Variants in PTPRD observed in about 807,000 individuals in gnomAD.
PTPRD encodes the protein protein tyrosine phosphatase receptor type D.
PTPRD carries 34 observed loss-of-function variants against 214.5 expected under a neutral mutation model. That is an observed-to-expected ratio of 0.16 (90% CI 0.12 to 0.21). PTPRD has a LOEUF of 0.21. PTPRD is among the 10% of genes least tolerant of loss of function. The pLI is 1.00. For synonymous variants in PTPRD, 1,128 were observed against 845.7 expected (o/e 1.33, Z -5.79); for missense variants, 2,545 against 2,398.7 (o/e 1.06, Z -1.27).
chr9:8,586,546 G>C (rs1179282454), intron 14 of PTPRD, among the ~76,000 whole-genome samples: 1 of 152,056 alleles, frequency 6.6e-6, no homozygotes, highest in Non-Finnish European at 1.5e-5. Flanking sequence ...AGGCTGACTT[G>C]GTTAAATCAT....
At chr9:8,531,422 G>A (rs764737907) in intron 14 of PTPRD, among the ~76,000 whole-genome samples, 1 of 152,014 alleles carries the variant, frequency 6.6e-6, no homozygotes, top group African/African-American at 2.4e-5. Flanking sequence ...TACCACACAC[G>A]TTATGTTATT....
At chr9:9,460,153 G>C (rs1170759470) in intron 8 of PTPRD, among the ~76,000 whole-genome samples, 1 of 151,886 alleles carries the variant, frequency 6.6e-6, no homozygotes, top group Non-Finnish European at 1.5e-5. Context: ...ATGAAGAAAA[G>C]TGAAATGACC....
At chr9:8,595,714 C>G (rs1335850091) in intron 14 of PTPRD, among the ~76,000 whole-genome samples, 1 of 152,168 alleles carries the variant, frequency 6.6e-6, no homozygotes, top group Non-Finnish European at 1.5e-5. Context: ...GAATTATTTA[C>G]TAAGTTTACT....
chr9:9,168,614 AT>A lies in PTPRD; in HGVS notation c.-143+14689del, dbSNP rs1314714896. On this transcript the variant is annotated intron_variant, in intron 10 of 45. Transcript: ENST00000381196. Reference sequence around the variant, plus strand: ...AGCGAAACTTATAGTTTAAAAAACGATTTTTTTGCACTGACTTGACTATTTA... The same window carrying A: ...AGCGAAACTTATAGTTTAAAAAACGATTTTTTGCACTGACTTGACTATTTA... 2.0e-5 allele frequency among the ~76,000 whole-genome samples: 3 copies of A among 152,150 alleles called. No individual in the cohort carries two copies. The East Asian group carries it at 5.8e-4, about 29-fold the overall frequency.
At chr9:10,433,435 C>G (rs917825717) in intron 2 of PTPRD, among the ~76,000 whole-genome samples, 4 of 151,940 alleles carry the variant, frequency 2.6e-5, no homozygotes, top group African/African-American at 9.7e-5. Flanking sequence ...CACTGTAAAG[C>G]CAGTCCTATC....
chr9:9,819,942 A>T (rs956154941), intron 5 of PTPRD, among the ~76,000 whole-genome samples: 1 of 152,152 alleles, frequency 6.6e-6, no homozygotes, highest in African/African-American at 2.4e-5. Context: ...TGTGAATAGC[A>T]CTGCAATGAA....
At chr9:9,483,972 T>TA (rs903117143) in intron 8 of PTPRD, among the ~76,000 whole-genome samples, 1 of 151,626 alleles carries the variant, frequency 6.6e-6, no homozygotes, top group Non-Finnish European at 1.5e-5. Context: ...TTTTCTGTGC[T>TA]AAAAAAAATC....
intron 42 of PTPRD, 78 bp downstream of exon 42, chr9:8,340,265 A>C: frequency 6.9e-7 from 1 of 1,459,224 alleles, no homozygotes; most frequent in Non-Finnish European, 9.2e-7. Context: ...ATCTAGCACA[A>C]GAGTTATTGA....
Position 9,664,008 on chromosome 9 carries a change from T to A in PTPRD, c.-287+70525A>T, listed in dbSNP as rs1333303952. 6.0e-5 allele frequency among the ~76,000 whole-genome samples: 9 copies of A among 150,856 alleles called. No homozygotes were observed. In the Admixed American group the frequency reaches 6.0e-4, roughly 10 times the overall value. On this transcript the variant is annotated intron_variant, in intron 7 of 45. Transcript: ENST00000381196. ...AAGGAGAACTTATGTTTTAAGTTAC[T>A]TTGGATTATGTTCACTGATACATTA...
intron 4 of PTPRD, among the ~76,000 whole-genome samples, chr9:9,949,442 T>C (rs942722039): frequency 6.6e-5 from 10 of 152,156 alleles, no homozygotes; most frequent in Admixed American, 2.6e-4. Context: ...AGCAACAACT[T>C]ACTGATTGGG....
At chr9:10,085,254 G>A (rs188856030) in intron 3 of PTPRD, among the ~76,000 whole-genome samples, 28 of 151,898 alleles carry the variant, frequency 1.8e-4, no homozygotes, top group Non-Finnish European at 3.1e-4. Flanking sequence ...CTGACGTGGC[G>A]AGAATTTTTT....
intron 3 of PTPRD, among the ~76,000 whole-genome samples, chr9:10,157,237 G>A (rs2099099245): frequency 6.6e-6 from 1 of 152,100 alleles, no homozygotes; most frequent in Non-Finnish European, 1.5e-5. Flanking sequence ...AGTGGTTTGT[G>A]TACTTCAGTG....
chr9:9,608,984 CTAGAG>C (rs1331702556), intron 7 of PTPRD, among the ~76,000 whole-genome samples: 3 of 152,082 alleles, frequency 2.0e-5, no homozygotes, highest in African/African-American at 7.2e-5. Flanking sequence ...TTGCAAACTG[CTAGAG>C]TATTGTGATT....
At position 8,382,949 on chromosome 9, in the gene PTPRD, C is replaced by G. The variant is rs572810744; in HGVS notation, c.4387-6223G>C. Among the ~76,000 whole-genome samples, 8 of 152,300 alleles carry G rather than the reference C, an allele frequency of 5.3e-5. 1 individual carries two copies. The South Asian group carries it at 1.7e-3, about 32-fold the overall frequency. On this transcript the variant is annotated intron_variant, in intron 37 of 45. Transcript: ENST00000381196. ...AAACCTGGCATTTGGAAAGCATTTGCTCTCCATTAAACTTACCGAACCTTG... is the reference window on the plus strand; with the variant it reads ...AAACCTGGCATTTGGAAAGCATTTGGTCTCCATTAAACTTACCGAACCTTG...
At chr9:8,371,496 GA>G (rs1391964416) in intron 39 of PTPRD, among the ~76,000 whole-genome samples, 1 of 152,008 alleles carries the variant, frequency 6.6e-6, no homozygotes, top group East Asian at 1.9e-4. Context: ...AGAATTTACA[GA>G]ATATTTAATT....
chr9:8,532,042 C>T (rs879353377), intron 14 of PTPRD, among the ~76,000 whole-genome samples: 3 of 151,996 alleles, frequency 2.0e-5, no homozygotes, highest in Non-Finnish European at 4.4e-5. Context: ...ACTAATGGGA[C>T]AGAAAATGTA....
intron 7 of PTPRD, among the ~76,000 whole-genome samples, chr9:9,714,190 T>C (rs1195929323): frequency 6.6e-6 from 1 of 152,136 alleles, no homozygotes; most frequent in African/African-American, 2.4e-5. Context: ...TTTTTACTCT[T>C]AATTGATTTA....
At chr9:10,218,690 T>C (rs796219163) in intron 3 of PTPRD, among the ~76,000 whole-genome samples, 7 of 152,000 alleles carry the variant, frequency 4.6e-5, no homozygotes, top group African/African-American at 1.2e-4. Flanking sequence ...ACTCCATTAA[T>C]AGACATAAAG....
At chr9:10,118,223 T>TCTAA (rs1225166709) in intron 3 of PTPRD, among the ~76,000 whole-genome samples, 1 of 151,098 alleles carries the variant, frequency 6.6e-6, no homozygotes, top group Non-Finnish European at 1.5e-5. Flanking sequence ...TATCTATCTA[T>TCTAA]CTATCTATCT....
Sources: gnomAD v4.1 joint callset for allele counts (sites outside exome capture counted in the v4.1 genomes callset) on GRCh38, gnomAD v4.1.1 for gene constraint, MANE v1.5 for transcripts, NCBI Gene and HGNC (gene_info 2026-07-23, HGNC 2026-07-21) for gene names.